The following USP47 variants were observed in gnomAD, a reference collection of about 807,000 sequenced individuals.
USP47 encodes ubiquitin carboxyl-terminal hydrolase 47.
In USP47, 35 loss-of-function variants were observed where a neutral mutation model predicts 165.1. That is an observed-to-expected ratio of 0.21 (90% CI 0.16 to 0.28). The LOEUF (loss-of-function observed/expected upper bound fraction) is 0.28. Among genes scored for constraint, USP47 ranks in the 10% least tolerant of loss-of-function variants. The pLI, the probability that USP47 is intolerant of heterozygous loss-of-function variation, is 1.00. For missense variants in USP47, 1,277 were observed against 1,607.4 expected (o/e 0.79, Z 3.52); for synonymous variants, 531 against 544.5 (o/e 0.98, Z 0.35).
intron 16 of USP47, among the ~76,000 whole-genome samples, chr11:11,935,196 G>T (rs1159014739): frequency 1.1e-4 from 17 of 152,030 alleles, no homozygotes; most frequent in Admixed American, 2.0e-4. Context: ...TTAATTGTTT[G>T]ACTATTTTAA....
rs756251222 is a variant in USP47, at chr11:11,942,461, G to A, written c.2440G>A (p.Val814Ile). The A allele has an allele frequency of 1.9e-6, 3 of 1,613,578 alleles. No individual in the cohort carries two copies. The highest frequency in any genetic ancestry group is 2.2e-5 in the South Asian group (2 of 91,070). Residue 814 changes from valine to isoleucine, a missense_variant, in exon 20 of 28, where the codon GTA becomes ATA. Val to Ile is a conservative substitution (Grantham distance 29, BLOSUM62 3). Around this residue, in one of 4 missense-constraint regions of USP47, gnomAD observed 909 missense variants for 1,068.1 expected, o/e 0.85. Transcript: ENST00000527733. Reference sequence around the variant, plus strand: ...TGTTTTGCTACCTGAACAATCCCCAGTATCTTATTCCAAAAGGACAGCATA... The same window carrying A: ...TGTTTTGCTACCTGAACAATCCCCAATATCTTATTCCAAAAGGACAGCATA... The part of the protein sequence containing the change: ...LFVLLPEQSP[V>I]SYSKRTAYQK...
chr11:11,912,090 TCA>T (rs1853038800), intron 8 of USP47, among the ~76,000 whole-genome samples: 1 of 150,780 alleles, frequency 6.6e-6, no homozygotes, highest in South Asian at 2.1e-4. Flanking sequence ...AGAGGGAAAC[TCA>T]CAGTATTAAA....
chr11:11,942,351 C>T lies in USP47; in HGVS notation c.2330C>T (p.Ser777Phe), dbSNP rs766937290. The part of the protein sequence containing the change: ...FRSNKVFVES[S>F]ETLDYQMAFA... ...ACTATGTAGGTGTTTGTTGAAAGCT[C>T]CGAGACTTTGGATTACCAGATGGCC... is the stretch of plus-strand genomic sequence containing the variant. The change falls in exon 20 of 28, where the codon TCC (serine) becomes TTC (phenylalanine). Residue 777 changes from serine to phenylalanine, a missense_variant. By Grantham distance (155) the Ser-to-Phe change is radical (BLOSUM62 -2). Transcript: ENST00000527733. The T allele has an allele frequency of 1.2e-6, 2 of 1,600,142 alleles. No homozygotes were observed. Among genetic ancestry groups the T allele is most frequent in the Non-Finnish European group, 1.7e-6 (2 of 1,174,094 alleles).
At chr11:11,885,676 G>A (rs567591468) in intron 3 of USP47, among the ~76,000 whole-genome samples, 2 of 152,258 alleles carry the variant, frequency 1.3e-5, no homozygotes, top group South Asian at 4.1e-4. Flanking sequence ...CCAACAAGGT[G>A]GGAAGTCCAT....
chr11:11,926,130 A>G (rs1222434493), intron 11 of USP47, among the ~76,000 whole-genome samples: 1 of 152,174 alleles, frequency 6.6e-6, no homozygotes, highest in African/African-American at 2.4e-5. Flanking sequence ...ATATTCATCA[A>G]AGAGATATTG....
intron 2 of USP47, among the ~76,000 whole-genome samples, chr11:11,881,009 C>T (rs1274617809): frequency 2.0e-5 from 3 of 152,112 alleles, no homozygotes; most frequent in African/African-American, 7.2e-5. Flanking sequence ...TTTTAGTCGT[C>T]TGTTAACTGT....
Position 11,920,318 on chromosome 11 carries a change from C to G in USP47, c.1066-24C>G, listed in dbSNP as rs761153711. 12 of 1,605,700 alleles carry G rather than the reference C, an allele frequency of 7.5e-6. No individual in the cohort carries two copies. In the East Asian group the frequency reaches 2.5e-4, roughly 33 times the overall value. On this transcript the variant is annotated intron_variant, in intron 9 of 27. Transcript: ENST00000527733. Reference sequence around the variant, plus strand: ...ATATTCCATATTCAATAGACTCTCCCCCTTTTTGTTGTTTGTTTTTTAGGG... The same window carrying G: ...ATATTCCATATTCAATAGACTCTCCGCCTTTTTGTTGTTTGTTTTTTAGGG...
intron 14 of USP47, among the ~76,000 whole-genome samples, chr11:11,931,321 G>A (rs75672126): frequency 0.029 from 4,434 of 151,976 alleles, 94 homozygotes; most frequent in Middle Eastern, 0.12. Flanking sequence ...AATTCAATTG[G>A]TACAAGGCTT....
chr11:11,940,217 A>T (rs1446994209), intron 18 of USP47, among the ~76,000 whole-genome samples: 1 of 152,000 alleles, frequency 6.6e-6, no homozygotes, highest in Non-Finnish European at 1.5e-5. Flanking sequence ...TACATTTATA[A>T]ATGGTACTTT....
At chr11:11,915,677 GA>G (rs907066316) in intron 8 of USP47, among the ~76,000 whole-genome samples, 20 of 150,310 alleles carry the variant, frequency 1.3e-4, no homozygotes, top group Admixed American at 3.3e-4. Flanking sequence ...AAGTTTCAAT[GA>G]AAAAAAAAGT....
Position 11,869,231 on chromosome 11 carries a change from G to C in USP47, c.40-10946G>C, listed in dbSNP as rs909453383. The stretch of plus-strand genomic sequence containing the variant: ...ATTTTCTCCTATGTGTTTTCCTAAA[G>C]GTTTTATAGTTTTATGTTTTCCATT... On this transcript the variant is annotated intron_variant, in intron 1 of 27. Transcript: ENST00000527733. Among the ~76,000 whole-genome samples the C allele has an allele frequency of 3.8e-4, 58 of 151,898 alleles. 1 individual carries two copies. The highest frequency in any genetic ancestry group is 2.1e-4 in the South Asian group (1 of 4,824).
intron 1 of USP47, among the ~76,000 whole-genome samples, chr11:11,863,458 C>T (rs979359856): frequency 3.9e-5 from 6 of 152,118 alleles, no homozygotes; most frequent in Non-Finnish European, 2.9e-5. Flanking sequence ...TCAGACTTGT[C>T]ATATTTAAGA....
At chr11:11,902,624 AAATCTTACATTAT>A in intron 5 of USP47, 78 bp from the exon 6 acceptor site, 1 of 997,840 alleles carries the variant, frequency 1.0e-6, no homozygotes, top group South Asian at 3.3e-5. Flanking sequence ...TCCAGGATTA[AAATCTTACATTAT>A]TATGATTTTG....
chr11:11,948,399 G>A, intron 21 of USP47, 79 bp from the exon 22 acceptor site: 1 of 1,300,542 alleles, frequency 7.7e-7, no homozygotes, highest in South Asian at 1.3e-5. Context: ...GAGTATTTTG[G>A]AAAGTTTAAA....
At chr11:11,943,502 A>G (rs1306805896) in intron 20 of USP47, 1 of 153,916 alleles carries the variant, frequency 6.5e-6, no homozygotes, top group East Asian at 1.9e-4. Context: ...CTCCATTTCC[A>G]ATGCAAACAA....
chr11:11,885,688 C>T (rs1018927259), intron 3 of USP47, among the ~76,000 whole-genome samples: 1 of 152,164 alleles, frequency 6.6e-6, no homozygotes, highest in Non-Finnish European at 1.5e-5. Flanking sequence ...GAAGTCCATA[C>T]ATAAATACCC....
chr11:11,849,687 T>A (rs1848620865), intron 1 of USP47, among the ~76,000 whole-genome samples: 1 of 152,234 alleles, frequency 6.6e-6, no homozygotes, highest in Non-Finnish European at 1.5e-5. Flanking sequence ...TTGGACTTGC[T>A]TTACTGTCAT....
intron 16 of USP47, among the ~76,000 whole-genome samples, chr11:11,934,597 A>T (rs1854920403): frequency 6.6e-6 from 1 of 152,106 alleles, no homozygotes; most frequent in African/African-American, 2.4e-5. Context: ...AGGTGAGGAG[A>T]TGCTTGGCAC....
At chr11:11,934,069 C>T (rs895882952) in intron 16 of USP47, 134 bp downstream of exon 16, 5 of 644,068 alleles carry the variant, frequency 7.8e-6, no homozygotes, top group Admixed American at 3.1e-5. Context: ...TATCTCTTAC[C>T]GAGTATATTT....
Sources: gnomAD v4.1 joint callset for allele counts (sites outside exome capture counted in the v4.1 genomes callset) on GRCh38, gnomAD v4.1.1 for gene constraint, gnomAD v4.1.1 regional missense constraint, MANE v1.5 for transcripts, NCBI Gene and HGNC (gene_info 2026-07-23, HGNC 2026-07-21) for gene names.